Variants in DSCAM observed in about 807,000 individuals in gnomAD.
DSCAM encodes the protein DS cell adhesion molecule.
A neutral mutation model predicts 217.7 loss-of-function variants in DSCAM; 47 were observed. The ratio of observed to expected loss-of-function variants is 0.22; its 90% CI spans 0.17 to 0.28. The LOEUF is 0.28. DSCAM is among the 10% of genes least tolerant of loss of function. The pLI, the probability that DSCAM is intolerant of heterozygous loss-of-function variation, is 1.00. For missense variants in DSCAM, 2,080 were observed against 2,618.3 expected, an observed-to-expected ratio of 0.79 and a Z score of 4.49; for synonymous variants, 1,056 against 1,015.3, an observed-to-expected ratio of 1.04 and a Z score of -0.76.
At chr21:40,079,718 A>AT (rs1351843950) in intron 25 of DSCAM, among the ~76,000 whole-genome samples, 8 of 151,868 alleles carry the variant, frequency 5.3e-5, no homozygotes, top group East Asian at 3.9e-4. Context: ...CACATTTTAG[A>AT]TTAAAAAAAA....
At chr21:40,801,518 G>T (rs1400788170) in intron 1 of DSCAM, among the ~76,000 whole-genome samples, 1 of 152,122 alleles carries the variant, frequency 6.6e-6, no homozygotes, top group Non-Finnish European at 1.5e-5. Context: ...AGATCTTGAG[G>T]CTGCCTCTCT....
At chr21:40,212,568 A>C (rs1396428914) in intron 11 of DSCAM, 1 of 152,834 alleles carries the variant, frequency 6.5e-6, no homozygotes, top group Non-Finnish European at 1.5e-5. Context: ...CACACCAAGA[A>C]CACCAAGGTT....
chr21:40,401,109 A>G (rs1294988997), intron 3 of DSCAM, among the ~76,000 whole-genome samples: 2 of 152,212 alleles, frequency 1.3e-5, no homozygotes, highest in African/African-American at 4.8e-5. Context: ...ACTTTGAGAA[A>G]ATAACTGTCA....
intron 3 of DSCAM, among the ~76,000 whole-genome samples, chr21:40,532,526 G>T (rs567932515): frequency 1.3e-5 from 2 of 152,304 alleles, no homozygotes; most frequent in South Asian, 4.1e-4. Context: ...ATAAAGGAAA[G>T]GTGGTCAGAA....
At chr21:40,694,843 A>G (rs1184979816) in intron 2 of DSCAM, among the ~76,000 whole-genome samples, 2 of 152,012 alleles carry the variant, frequency 1.3e-5, no homozygotes, top group African/African-American at 4.8e-5. Context: ...GCTGAGGTCT[A>G]CGGTAATAGA....
At chr21:40,488,061 T>C (rs776524680) in intron 3 of DSCAM, among the ~76,000 whole-genome samples, 4 of 152,222 alleles carry the variant, frequency 2.6e-5, no homozygotes, top group Non-Finnish European at 4.4e-5. Context: ...TTCTAACAGT[T>C]GATGCTCATC....
rs913557369 is a variant in DSCAM, at chr21:40,564,389, T to C, written c.508+128421A>G. ...CCAGTAACTAATCTTCAGAGTAAAT[T>C]TGGAGAAATTGTTCTGACTATGCAC... On this transcript the variant is annotated intron_variant, in intron 3 of 32. Transcript: ENST00000400454. Among the ~76,000 whole-genome samples the C allele has an allele frequency of 3.7e-4, 57 of 152,138 alleles. 2 individuals carry two copies. Among genetic ancestry groups the C allele is most frequent in the Admixed American group, 3.7e-3 (56 of 15,278 alleles).
At chr21:40,771,559 G>A (rs764006341) in intron 1 of DSCAM, among the ~76,000 whole-genome samples, 16 of 152,168 alleles carry the variant, frequency 1.1e-4, no homozygotes, top group Non-Finnish European at 1.6e-4. Flanking sequence ...CACTTGCGTG[G>A]TTCATAAAAG....
intron 3 of DSCAM, among the ~76,000 whole-genome samples, chr21:40,661,335 G>C (rs1189776547): frequency 2.0e-5 from 3 of 152,162 alleles, no homozygotes; most frequent in Non-Finnish European, 4.4e-5. Context: ...ATGTGGCAAA[G>C]CATAAACATC....
chr21:40,346,035 C>T (rs770252211), intron 6 of DSCAM, among the ~76,000 whole-genome samples: 3 of 152,180 alleles, frequency 2.0e-5, no homozygotes, highest in Non-Finnish European at 4.4e-5. Context: ...CTTCTGACAT[C>T]GTTATGGATC....
chr21:40,105,600 C>A (rs2146620672), intron 20 of DSCAM, among the ~76,000 whole-genome samples: 1 of 152,296 alleles, frequency 6.6e-6, no homozygotes, highest in East Asian at 1.9e-4. Context: ...AAGGCCTCCC[C>A]AGCCATGCTG....
chr21:40,834,139 T>C (rs963112107), intron 1 of DSCAM, among the ~76,000 whole-genome samples: 1 of 152,068 alleles, frequency 6.6e-6, no homozygotes, highest in African/African-American at 2.4e-5. Flanking sequence ...CAAAAAATAA[T>C]GAGCCTAAAA....
In DSCAM at chr21:40,187,214, C is replaced by G; in HGVS notation, c.2696G>C (p.Arg899Pro). ...PEIEIKDVKA[R>P]TITLRWTMGF... ...CATGGTCCACCTGAGCGTAATTGTGCGTGCTTTGACATCTTTGATCTCAAT... is the reference window on the plus strand; with the variant it reads ...CATGGTCCACCTGAGCGTAATTGTGGGTGCTTTGACATCTTTGATCTCAAT... Residue 899 changes from arginine (R) to proline (P), a missense_variant, in exon 14 of 33, where the codon CGC (arginine) becomes CCC (proline). Arg to Pro is a moderately radical substitution (Grantham distance 103). Coordinates refer to ENST00000400454, the MANE Select transcript of DSCAM (RefSeq NM_001389.5). 6.2e-7 allele frequency: 1 copy of G among 1,614,046 alleles called. No homozygotes were observed.
intron 19 of DSCAM, among the ~76,000 whole-genome samples, chr21:40,129,417 T>C (rs1434059365): frequency 6.6e-6 from 1 of 152,200 alleles, no homozygotes; most frequent in Admixed American, 6.5e-5. Context: ...CAAATCATCA[T>C]GTGGAAACCC....
intron 1 of DSCAM, among the ~76,000 whole-genome samples, chr21:40,780,133 C>T (rs1324852681): frequency 1.3e-5 from 2 of 152,082 alleles, no homozygotes; most frequent in African/African-American, 2.4e-5. Flanking sequence ...GGAAGCAGAG[C>T]CAGACAAGTC....
chr21:40,620,150 GAAA>G (rs1271074614), intron 3 of DSCAM, among the ~76,000 whole-genome samples: 1 of 45,162 alleles, frequency 2.2e-5, no homozygotes, highest in Non-Finnish European at 4.3e-5. Flanking sequence ...AGAGAAAAAA[GAAA>G]AAGAAAGAAA....
At chr21:40,746,320 T>C (rs2091173893) in intron 1 of DSCAM, among the ~76,000 whole-genome samples, 1 of 139,838 alleles carries the variant, frequency 7.2e-6, no homozygotes, top group African/African-American at 2.7e-5. Context: ...CTTTCACCTA[T>C]AAAAACATGC....
chr21:40,606,307 T>A (rs2089237531), intron 3 of DSCAM, among the ~76,000 whole-genome samples: 1 of 151,888 alleles, frequency 6.6e-6, no homozygotes, highest in African/African-American at 2.4e-5. Context: ...TGAGCTGGAG[T>A]GAAGAGCACC....
chr21:40,501,466 C>T (rs897614473), intron 3 of DSCAM, among the ~76,000 whole-genome samples: 2 of 152,110 alleles, frequency 1.3e-5, no homozygotes, highest in Admixed American at 6.6e-5. Context: ...ATTATGCTCC[C>T]TACTTTTATT....
Sources: allele counts gnomAD v4.1 joint callset (sites outside exome capture counted in the v4.1 genomes callset), GRCh38; gene constraint gnomAD v4.1.1; transcripts MANE v1.5; gene names NCBI Gene and HGNC (gene_info 2026-07-23, HGNC 2026-07-21).